Variants in FAM184B observed in about 807,000 individuals in gnomAD.
The protein encoded by FAM184B is protein FAM184B.
A neutral mutation model predicts 135.9 loss-of-function variants in FAM184B; 111 were observed. The observed-to-expected ratio is 0.82, with a 90% CI of 0.70 to 0.96. FAM184B has a LOEUF of 0.96. FAM184B is among the 40% of genes least tolerant of loss of function. FAM184B has a pLI of 0.00. For synonymous variants in FAM184B, 552 were observed against 524.8 expected (o/e 1.05, Z -0.71); for missense variants, 1,375 against 1,323.9 (o/e 1.04, Z -0.60).
chr4:17,638,580 A>G (rs1175346699), intron 14 of FAM184B, among the ~76,000 whole-genome samples: 2 of 152,184 alleles, frequency 1.3e-5, no homozygotes, highest in African/African-American at 2.4e-5. Flanking sequence ...GTTCCCTGCT[A>G]TAACTCCAGA....
intron 3 of FAM184B, 89 bp downstream of exon 3, chr4:17,707,560 C>T: frequency 2.7e-6 from 4 of 1,501,564 alleles, no homozygotes; most frequent in Non-Finnish European, 2.7e-6. Context: ...CCTCTCTGCT[C>T]CCTTAGCAGG....
At chr4:17,704,306 G>A (rs952924551) in intron 5 of FAM184B, among the ~76,000 whole-genome samples, 1 of 152,094 alleles carries the variant, frequency 6.6e-6, no homozygotes, top group Non-Finnish European at 1.5e-5. Context: ...CACAAGAGAC[G>A]AGGCTTTGCA....
Position 17,689,540 on chromosome 4 carries a change from A to T in FAM184B, c.1489-1009T>A, listed in dbSNP as rs1716671680. On this transcript the variant is annotated intron_variant, in intron 6 of 17. Coordinates refer to ENST00000265018, the MANE Select transcript of FAM184B (RefSeq NM_015688.2). ...ATGAGGGAGATAGATAAATGTTTAT[A>T]ACCCCAATGACACTCAGTAGAGATA... Among the ~76,000 whole-genome samples, 3 of 152,294 alleles carry T rather than the reference A, an allele frequency of 2.0e-5. No homozygotes were observed. The East Asian group carries it at 5.8e-4, about 29-fold the overall frequency.
At chr4:17,719,488 C>A (rs962033222) in intron 1 of FAM184B, among the ~76,000 whole-genome samples, 10 of 152,012 alleles carry the variant, frequency 6.6e-5, no homozygotes, top group Non-Finnish European at 2.9e-5. Context: ...AGCAAGACCA[C>A]AGAAAAAAAG....
intron 1 of FAM184B, among the ~76,000 whole-genome samples, chr4:17,730,442 C>G (rs984744558): frequency 6.6e-6 from 1 of 152,074 alleles, no homozygotes; most frequent in Non-Finnish European, 1.5e-5. Flanking sequence ...TTGAGAAGAG[C>G]AACTCCAAGA....
intron 5 of FAM184B, among the ~76,000 whole-genome samples, chr4:17,698,800 T>C (rs1157455559): frequency 6.6e-6 from 1 of 152,140 alleles, no homozygotes; most frequent in African/African-American, 2.4e-5. Flanking sequence ...ATGAAGCTGG[T>C]TCACAAGTAA....
rs1228424895 is a variant in FAM184B, at chr4:17,705,006, C to A, written c.1371G>T (p.Leu457=). The A allele has an allele frequency of 6.4e-7, 1 of 1,551,624 alleles. No individual in the cohort carries two copies. The highest frequency in any genetic ancestry group is 2.0e-5 in the Admixed American group (1 of 50,980). ...RSSVEAERKK[L]QREVEAQLEE... ...CTATGGAAGTAGGTCTCACCCTCTG[C>A]AGTTTCTTTCTTTCAGCCTCCACGG... Residue 457 remains leucine, a synonymous_variant, in exon 5 of 18, where the codon CTG becomes CTT. Transcript: ENST00000265018.
chr4:17,691,091 C>T (rs539929795), intron 6 of FAM184B, among the ~76,000 whole-genome samples: 24 of 152,042 alleles, frequency 1.6e-4, no homozygotes, highest in African/African-American at 5.8e-4. Context: ...TCTGAGTGAC[C>T]CTTAGTCATC....
intron 7 of FAM184B, among the ~76,000 whole-genome samples, chr4:17,677,133 T>C (rs1171718737): frequency 2.0e-5 from 3 of 152,124 alleles, no homozygotes; most frequent in African/African-American, 7.2e-5. Flanking sequence ...CTGCAACCTC[T>C]GCCTCCTGGG....
chr4:17,757,031 A>G (rs528482672), intron 1 of FAM184B, among the ~76,000 whole-genome samples: 4 of 152,222 alleles, frequency 2.6e-5, no homozygotes, highest in Admixed American at 1.3e-4. Flanking sequence ...TCACAAAAAG[A>G]GAAAATCAGA....
intron 1 of FAM184B, among the ~76,000 whole-genome samples, chr4:17,719,360 C>A (rs1339159914): frequency 6.6e-6 from 1 of 152,178 alleles, no homozygotes; most frequent in Non-Finnish European, 1.5e-5. Context: ...CACAAGATTT[C>A]ATCATGCTAC....
chr4:17,660,785 A>T (rs9991307), intron 8 of FAM184B, among the ~76,000 whole-genome samples: 2 of 151,782 alleles, frequency 1.3e-5, no homozygotes, highest in Admixed American at 1.3e-4. Flanking sequence ...CTTGTTTGAC[A>T]GCGTGAAAGG....
At chr4:17,771,394 G>T (rs1718815662) in intron 1 of FAM184B, among the ~76,000 whole-genome samples, 1 of 152,146 alleles carries the variant, frequency 6.6e-6, no homozygotes, top group Non-Finnish European at 1.5e-5. Context: ...AACTTAAGGT[G>T]CACTCCCTAC....
chr4:17,654,828 C>T (rs1022919750), intron 10 of FAM184B, among the ~76,000 whole-genome samples: 3 of 152,164 alleles, frequency 2.0e-5, no homozygotes, highest in Non-Finnish European at 2.9e-5. Flanking sequence ...CCAGGGGAAA[C>T]GCAGTCATTC....
chr4:17,656,267 C>G (rs1715776938), intron 10 of FAM184B, among the ~76,000 whole-genome samples: 1 of 152,162 alleles, frequency 6.6e-6, no homozygotes. Flanking sequence ...GGAATCTCCC[C>G]AAGCTGAGCT....
At chr4:17,725,092 T>G (rs747634957) in intron 1 of FAM184B, among the ~76,000 whole-genome samples, 3 of 152,132 alleles carry the variant, frequency 2.0e-5, no homozygotes, top group African/African-American at 7.2e-5. Flanking sequence ...GGGTCATGAC[T>G]TCGTCACCTT....
Position 17,740,089 on chromosome 4 carries a change from C to T in FAM184B, c.142-30445G>A, listed in dbSNP as rs534179131. ...TCTGGCAGCTGGGCGTCATGGTTCA[C>T]GCCTATAATTCTAGCACTTTGGGAG... On this transcript the variant is annotated intron_variant, in intron 1 of 17. Transcript: ENST00000265018. Among the ~76,000 whole-genome samples the T allele has an allele frequency of 1.2e-3, 185 of 152,128 alleles. No homozygotes were observed. The Middle Eastern group carries it at 0.024, about 20-fold the overall frequency.
chr4:17,705,235 C>T, intron 4 of FAM184B, 29 bp from the exon 5 acceptor site: 1 of 1,520,254 alleles, frequency 6.6e-7, no homozygotes, highest in South Asian at 1.2e-5. Context: ...CCTTGTAAAA[C>T]CACTGGGGAG....
chr4:17,735,633 T>C (rs13104297), intron 1 of FAM184B, among the ~76,000 whole-genome samples: 42,178 of 150,582 alleles, frequency 0.28, 6,118 homozygotes, highest in Non-Finnish European at 0.31. Context: ...AATCTAAGGA[T>C]GACAAATATG....
Sources: gnomAD v4.1 joint callset for allele counts (sites outside exome capture counted in the v4.1 genomes callset) on GRCh38, gnomAD v4.1.1 for gene constraint, MANE v1.5 for transcripts, NCBI Gene and HGNC (gene_info 2026-07-23, HGNC 2026-07-21) for gene names.